The following RANBP17 variants were observed in gnomAD, a reference collection of about 807,000 sequenced individuals.
RANBP17 encodes RAN binding protein 17.
Under a neutral mutation model 141.2 loss-of-function variants are expected in RANBP17, and 158 were observed. That is an observed-to-expected ratio of 1.12 (90% CI 0.98 to 1.28). The LOEUF is 1.28. Ranked by LOEUF, RANBP17 falls within the 50% of genes most tolerant of loss-of-function variation. RANBP17 has a pLI of 0.00. For missense variants in RANBP17, 1,438 were observed against 1,290.7 expected (o/e 1.11, Z -1.75); for synonymous variants, 430 against 450.0 (o/e 0.96, Z 0.56).
chr5:171,161,335 T>A (rs79051764), intron 14 of RANBP17: 10,263 of 183,070 alleles, frequency 0.056, 351 homozygotes, highest in East Asian at 0.11. Context: ...CTCCTTTTAT[T>A]TGAGATTGGG....
chr5:171,048,957 T>G (rs1782773238), intron 14 of RANBP17, among the ~76,000 whole-genome samples: 2 of 152,210 alleles, frequency 1.3e-5, no homozygotes, highest in Admixed American at 1.3e-4. Flanking sequence ...GCATGTGTCT[T>G]TATGGTAGAA....
At chr5:170,969,363 A>G (rs1003733636) in intron 14 of RANBP17, among the ~76,000 whole-genome samples, 73 of 151,886 alleles carry the variant, frequency 4.8e-4, no homozygotes, top group Non-Finnish European at 1.8e-4. Context: ...TTTGGAAGAA[A>G]AAGAGTAGCT....
At chr5:170,867,666 G>A (rs967302804) in intron 1 of RANBP17, among the ~76,000 whole-genome samples, 1 of 152,178 alleles carries the variant, frequency 6.6e-6, no homozygotes, top group Non-Finnish European at 1.5e-5. Context: ...AATTGAAGAG[G>A]ATTTTTGTGG....
Position 171,295,951 on chromosome 5 carries a change from C to T in RANBP17, c.3107C>T (p.Ala1036Val). Residue 1036 changes from alanine to valine, a missense_variant, in exon 27 of 28, where the codon GCC (alanine) becomes GTC (valine). Ala to Val is a moderately conservative substitution (Grantham distance 64). Coordinates refer to ENST00000523189, the MANE Select transcript of RANBP17 (RefSeq NM_022897.5). ...CCCCTCCCCAAGCAGGAGGTCCTTG[C>T]CCAGTGCTTCAGAAACCTAATGGAA... ...SQPLPKQEVL[A>V]QCFRNLMEGV... The T allele has an allele frequency of 6.2e-7, 1 of 1,613,706 alleles. No homozygotes were observed. Among genetic ancestry groups the T allele is most frequent in the Admixed American group, 1.7e-5 (1 of 59,978 alleles).
intron 18 of RANBP17, among the ~76,000 whole-genome samples, chr5:171,194,661 G>C (rs1202753381): frequency 6.6e-6 from 1 of 152,194 alleles, no homozygotes; most frequent in East Asian, 1.9e-4. Context: ...TAATACAGCT[G>C]TGAGCATTTG....
chr5:171,251,774 C>CCCGCCT (rs1765581281), intron 24 of RANBP17: 9 of 1,061,714 alleles, frequency 8.5e-6, no homozygotes, highest in African/African-American at 1.6e-5. Context: ...CGCGCCCGCC[C>CCCGCCT]CCGCCTCTGT....
At position 171,205,481 on chromosome 5, in the gene RANBP17, G is replaced by A. The variant is rs571022039; in HGVS notation, c.2143-43G>A. ...CTGATTATTACTCCATCTGCTCTGCGCTAACGTGAAAATCAATTACTGTGT... is the reference window on the plus strand; with the variant it reads ...CTGATTATTACTCCATCTGCTCTGCACTAACGTGAAAATCAATTACTGTGT... On this transcript the variant is annotated intron_variant, in intron 19 of 27. Coordinates refer to ENST00000523189, the MANE Select transcript of RANBP17 (RefSeq NM_022897.5). 1.6e-5 allele frequency: 24 copies of A among 1,509,310 alleles called. No homozygotes were observed. The East Asian group carries it at 2.7e-4, about 17-fold the overall frequency. 93.5% of individuals were successfully genotyped at this position (1,509,310 alleles called of 1,614,324 possible).
chr5:171,097,969 T>C (rs1786824757), intron 14 of RANBP17, among the ~76,000 whole-genome samples: 1 of 152,138 alleles, frequency 6.6e-6, no homozygotes, highest in South Asian at 2.1e-4. Context: ...TATGAACTCA[T>C]CCTTTTTTAT....
chr5:171,152,519 C>T (rs1457326198), intron 14 of RANBP17, among the ~76,000 whole-genome samples: 1 of 152,096 alleles, frequency 6.6e-6, no homozygotes, highest in East Asian at 1.9e-4. Context: ...CACTCTTGTC[C>T]TAGGGTTCTT....
intron 4 of RANBP17, 38 bp downstream of exon 4, chr5:170,892,591 T>C: frequency 6.4e-7 from 1 of 1,567,886 alleles, no homozygotes; most frequent in Non-Finnish European, 8.7e-7. Context: ...ACATCACTAC[T>C]TGCTTTTTTT....
rs577968745 is a variant in RANBP17 at position 171,252,988 on chromosome 5, G to C, written c.2776+10168G>C. The stretch of plus-strand genomic sequence containing the variant: ...CCTTTTCTATCAGTCTCGGGATTGA[G>C]GGGGAACCGTGATGAAGAGATACTT... On this transcript the variant is annotated intron_variant, in intron 24 of 27. Transcript: ENST00000523189. 6 of 1,321,436 alleles carry C rather than the reference G, an allele frequency of 4.5e-6. No individual in the cohort carries two copies. In the South Asian group the frequency reaches 7.0e-5, roughly 16 times the overall value. The allele number at this position is 1,321,436 out of a possible 1,614,324, so 81.9% of individuals were successfully genotyped here. A position where few individuals can be genotyped will look rare whatever the true frequency, so the allele number is the denominator to read the frequency against.
At chr5:171,201,835 T>G (rs901392641) in intron 19 of RANBP17, among the ~76,000 whole-genome samples, 3 of 152,236 alleles carry the variant, frequency 2.0e-5, no homozygotes, top group Non-Finnish European at 4.4e-5. Flanking sequence ...TCTATCACGA[T>G]GAATAAATAA....
intron 9 of RANBP17, 67 bp from the exon 10 acceptor site, chr5:170,918,646 G>A (rs1209854789): frequency 5.2e-6 from 7 of 1,337,010 alleles, no homozygotes; most frequent in Non-Finnish European, 7.0e-6. Context: ...ATGCTTTGGG[G>A]TTTTACTGAT....
intron 16 of RANBP17, among the ~76,000 whole-genome samples, chr5:171,182,557 A>G (rs577377543): frequency 3.9e-5 from 6 of 152,364 alleles, no homozygotes; most frequent in East Asian, 1.9e-4. Context: ...GACTAAAAAT[A>G]ATAAATAATA....
intron 12 of RANBP17, among the ~76,000 whole-genome samples, chr5:170,939,560 T>G (rs534312296): frequency 1.3e-5 from 2 of 151,878 alleles, no homozygotes; most frequent in Non-Finnish European, 2.9e-5. Context: ...TTTTTTGTAT[T>G]GTTTTAGTAG....
At chr5:170,862,116 G>T in intron 1 of RANBP17, 65 bp downstream of exon 1, 1 of 1,393,688 alleles carries the variant, frequency 7.2e-7, no homozygotes, top group East Asian at 3.1e-5. Context: ...GACGCGTCTG[G>T]AGACCGAGGG....
intron 24 of RANBP17, chr5:171,243,101 A>T (rs1764991996): frequency 1.1e-5 from 4 of 350,692 alleles, no homozygotes; most frequent in Non-Finnish European, 2.1e-5. Context: ...AAATGTGTAC[A>T]TGTACACAAA....
At chr5:171,277,287 G>A (rs1767548419) in intron 25 of RANBP17, among the ~76,000 whole-genome samples, 1 of 151,774 alleles carries the variant, frequency 6.6e-6, no homozygotes, top group Non-Finnish European at 1.5e-5. Context: ...TCGTCTCCCT[G>A]CATCACACGA....
rs558482502 is a variant in RANBP17, at chr5:171,299,867, C to T, written c.*1009C>T. The T allele has an allele frequency of 1.3e-4, 28 of 215,184 alleles. No individual in the cohort carries two copies. Among genetic ancestry groups the T allele is most frequent in the South Asian group, 3.7e-4 (2 of 5,346 alleles). 13.3% of individuals were successfully genotyped at this position (215,184 alleles called of 1,614,324 possible). On this transcript the variant is annotated 3_prime_UTR_variant, in exon 28 of 28. Coordinates refer to ENST00000523189, the MANE Select transcript of RANBP17 (RefSeq NM_022897.5). ...TGTTACTAGGCTATTAATTTGAGAT[C>T]GTCCACTGTCAAGTGTTTTACTATC...
Sources: gnomAD v4.1 joint callset for allele counts (sites outside exome capture counted in the v4.1 genomes callset) on GRCh38, gnomAD v4.1.1 for gene constraint, MANE v1.5 for transcripts, NCBI Gene and HGNC (gene_info 2026-07-23, HGNC 2026-07-21) for gene names.